Variants in CAB39 observed in about 807,000 individuals in gnomAD.
CAB39 encodes the protein calcium binding protein 39, also known as calcium-binding protein 39.
CAB39 carries 8 observed loss-of-function variants against 40.0 expected under a neutral mutation model. That is an observed-to-expected ratio of 0.20 (90% confidence interval 0.12 to 0.36). The LOEUF (loss-of-function observed/expected upper bound fraction) is 0.36. Among genes scored for constraint, CAB39 ranks in the 10% least tolerant of loss-of-function variants. CAB39 has a pLI of 1.00. For missense variants in CAB39, 270 were observed against 401.1 expected (o/e 0.67, Z 2.79); for synonymous variants, 156 against 141.6 (o/e 1.10, Z -0.72).
At chr2:230,770,662 T>C (rs187590682) in intron 2 of CAB39, among the ~76,000 whole-genome samples, 68 of 152,326 alleles carry the variant, frequency 4.5e-4, no homozygotes, top group Admixed American at 4.6e-4. Flanking sequence ...CAGACTAATA[T>C]GTCTCACGAA....
intron 2 of CAB39, 49 bp from the exon 3 acceptor site, chr2:230,790,823 A>T (rs1406733541): frequency 2.0e-6 from 3 of 1,492,072 alleles, no homozygotes; most frequent in Middle Eastern, 2.1e-4. Flanking sequence ...TATGTTTGTT[A>T]AAATGAATTG....
At chr2:230,794,172 T>G (rs956036711) in intron 4 of CAB39, among the ~76,000 whole-genome samples, 1 of 152,206 alleles carries the variant, frequency 6.6e-6, no homozygotes, top group South Asian at 2.1e-4. Flanking sequence ...ATAGCTTGCC[T>G]CAGTCTGATT....
At chr2:230,751,537 GCAGT>G (rs1194745276) in intron 1 of CAB39, among the ~76,000 whole-genome samples, 1 of 152,146 alleles carries the variant, frequency 6.6e-6, no homozygotes. Flanking sequence ...TAACGCAAAA[GCAGT>G]CAGATCTCCA....
In CAB39 at chr2:230,818,791, C is replaced by A; in HGVS notation, c.*87C>A. ...GGCACTCTTATTGATTCATGAGGAACATTACTGCTAATCTGCTGTTAAGTG... is the reference window on the plus strand; with the variant it reads ...GGCACTCTTATTGATTCATGAGGAAAATTACTGCTAATCTGCTGTTAAGTG... On this transcript the variant is annotated 3_prime_UTR_variant, in exon 9 of 9. Transcript: ENST00000258418. 2.9e-6 allele frequency: 3 copies of A among 1,030,992 alleles called. No homozygotes were observed. Among genetic ancestry groups the A allele is most frequent in the Non-Finnish European group, 4.4e-6 (3 of 688,710 alleles). The allele number at this position is 1,030,992 out of a possible 1,614,324, so 63.9% of individuals were successfully genotyped here.
At position 230,757,428 on chromosome 2, in the gene CAB39, C is replaced by A. The variant is rs114236155; in HGVS notation, c.-43-2531C>A. Among the ~76,000 whole-genome samples, 553 of 152,282 alleles carry A rather than the reference C, an allele frequency of 3.6e-3. 4 individuals carry two copies. The highest frequency in any genetic ancestry group is 0.013 in the African/African-American group (539 of 41,546). The stretch of plus-strand genomic sequence containing the variant: ...TCTGTAGAATACAGTCTTACTAGTT[C>A]ATATGTTCTGTAAAATCTTAGCTGG... On this transcript the variant is annotated intron_variant, in intron 1 of 8. Coordinates refer to ENST00000258418, the MANE Select transcript of CAB39 (RefSeq NM_016289.4).
intron 1 of CAB39, among the ~76,000 whole-genome samples, chr2:230,718,468 T>C (rs1694390722): frequency 6.6e-6 from 1 of 152,150 alleles, no homozygotes; most frequent in Non-Finnish European, 1.5e-5. Context: ...TTTGGAGAGG[T>C]AGTGTTAGCC....
intron 2 of CAB39, among the ~76,000 whole-genome samples, chr2:230,773,314 A>ATATATGTGTGTGTGTGTGTG (rs371297550): frequency 6.0e-5 from 8 of 132,680 alleles, no homozygotes; most frequent in African/African-American, 1.9e-4. Context: ...ATATATATAT[A>ATATATGTGTGTGTGTGTGTG]TGTGTGTGTG....
intron 2 of CAB39, among the ~76,000 whole-genome samples, chr2:230,780,059 C>T (rs1178793166): frequency 6.6e-6 from 1 of 152,080 alleles, no homozygotes. Context: ...ATCGGATGGT[C>T]CAGTAAGACC....
intron 1 of CAB39, among the ~76,000 whole-genome samples, chr2:230,731,221 A>G (rs542420912): frequency 6.6e-6 from 1 of 152,226 alleles, no homozygotes; most frequent in Non-Finnish European, 1.5e-5. Flanking sequence ...GGGGGGTGCT[A>G]TTAGAGATTT....
chr2:230,799,727 G>A (rs1030076072), intron 5 of CAB39, among the ~76,000 whole-genome samples: 6 of 151,976 alleles, frequency 3.9e-5, no homozygotes, highest in African/African-American at 1.2e-4. Flanking sequence ...GCAGTGGCTC[G>A]TGCCTGTAAT....
chr2:230,814,117 A>T lies in CAB39; in HGVS notation c.693+3A>T. On this transcript the variant is annotated splice_donor_region_variant and intron_variant, in intron 7 of 8. Coordinates refer to ENST00000258418, the MANE Select transcript of CAB39 (RefSeq NM_016289.4). ...TGACAAAAAGACAGTCACTGAAGGT[A>T]TGACAGACCATTTTGTATAGCTTAT... 7.1e-7 allele frequency: 1 copy of T among 1,406,918 alleles called. No homozygotes were observed. Among genetic ancestry groups the T allele is most frequent in the East Asian group, 2.4e-5 (1 of 42,428 alleles). The allele number at this position is 1,406,918 out of a possible 1,614,324, so 87.2% of individuals were successfully genotyped here. A position where few individuals can be genotyped will look rare whatever the true frequency, so the allele number is the denominator to read the frequency against.
chr2:230,799,820 G>A (rs1192635555), intron 5 of CAB39, among the ~76,000 whole-genome samples: 3 of 151,968 alleles, frequency 2.0e-5, no homozygotes, highest in South Asian at 2.1e-4. Flanking sequence ...GAGAAACCCC[G>A]TCTCTACTAA....
At chr2:230,760,643 C>CT (rs1695273246) in intron 2 of CAB39, among the ~76,000 whole-genome samples, 2 of 152,176 alleles carry the variant, frequency 1.3e-5, no homozygotes, top group Admixed American at 1.3e-4. Context: ...GTTCTTCCCC[C>CT]ACAATCTTCC....
At chr2:230,714,385 TAATC>T (rs959286896) in intron 1 of CAB39, among the ~76,000 whole-genome samples, 2 of 152,194 alleles carry the variant, frequency 1.3e-5, no homozygotes, top group African/African-American at 2.4e-5. Flanking sequence ...GCTTCCCAGA[TAATC>T]AAGTAAATCC....
intron 6 of CAB39, among the ~76,000 whole-genome samples, chr2:230,812,182 T>C (rs906883732): frequency 3.3e-5 from 5 of 152,240 alleles, no homozygotes; most frequent in African/African-American, 1.2e-4. Context: ...AAAAGAAACG[T>C]AGCCTTTCCT....
At chr2:230,769,282 A>T (rs1361527708) in intron 2 of CAB39, among the ~76,000 whole-genome samples, 1 of 152,226 alleles carries the variant, frequency 6.6e-6, no homozygotes, top group African/African-American at 2.4e-5. Context: ...GAACTGCAAG[A>T]AGTAGTCAAA....
At chr2:230,756,040 C>G (rs1695183738) in intron 1 of CAB39, among the ~76,000 whole-genome samples, 1 of 152,152 alleles carries the variant, frequency 6.6e-6, no homozygotes, top group Non-Finnish European at 1.5e-5. Context: ...CAGCGTCCCC[C>G]CCGGGAGAAA....
intron 2 of CAB39, among the ~76,000 whole-genome samples, chr2:230,761,600 G>C (rs904382966): frequency 6.6e-6 from 1 of 152,170 alleles, no homozygotes. Flanking sequence ...AGTTTGAGGA[G>C]TATACAACTA....
At chr2:230,798,614 A>T in intron 4 of CAB39, 115 bp from the exon 5 acceptor site, 1 of 771,640 alleles carries the variant, frequency 1.3e-6, no homozygotes, top group Non-Finnish European at 2.0e-6. Context: ...ATGGTCATTT[A>T]GTTAGGATAC....
Sources: allele counts gnomAD v4.1 joint callset (sites outside exome capture counted in the v4.1 genomes callset), GRCh38; gene constraint gnomAD v4.1.1; transcripts MANE v1.5; gene names NCBI Gene and HGNC (gene_info 2026-07-23, HGNC 2026-07-21).